The following ITPR2 variants were observed in gnomAD, a reference collection of about 807,000 sequenced individuals.
The protein encoded by ITPR2 is inositol 1,4,5-trisphosphate-gated calcium channel ITPR2.
Under a neutral mutation model 317.1 loss-of-function variants are expected in ITPR2, and 207 were observed. That is an observed-to-expected ratio of 0.65 (90% CI 0.58 to 0.73). ITPR2 has a LOEUF of 0.73. Ranked by LOEUF, ITPR2 falls within the 30% of genes least tolerant of loss-of-function variation. ITPR2 has a pLI of 0.00. For missense variants in ITPR2, 2,613 were observed against 3,284.0 expected, an observed-to-expected ratio of 0.80 and a Z score of 4.99; for synonymous variants, 1,156 against 1,149.1, an observed-to-expected ratio of 1.01 and a Z score of -0.12.
chr12:26,728,763 T>C (rs1456817492), intron 2 of ITPR2, among the ~76,000 whole-genome samples: 1 of 152,154 alleles, frequency 6.6e-6, no homozygotes, highest in African/African-American at 2.4e-5. Context: ...AAAAAGAAAA[T>C]CTGTGTGAAA....
intron 45 of ITPR2, among the ~76,000 whole-genome samples, chr12:26,444,031 A>G (rs549655011): frequency 6.6e-6 from 1 of 152,178 alleles, no homozygotes; most frequent in Non-Finnish European, 1.5e-5. Flanking sequence ...TCCTATACAC[A>G]CATAAATAGG....
intron 2 of ITPR2, among the ~76,000 whole-genome samples, chr12:26,787,410 A>G (rs1950274086): frequency 6.6e-6 from 1 of 152,230 alleles, no homozygotes; most frequent in Admixed American, 6.5e-5. Flanking sequence ...GGAGTGTCTG[A>G]AAAAGTGATT....
chr12:26,480,326 C>T (rs1202688338), intron 43 of ITPR2, among the ~76,000 whole-genome samples: 1 of 152,042 alleles, frequency 6.6e-6, no homozygotes, highest in African/African-American at 2.4e-5. Context: ...ACTAAAGAAA[C>T]CTCTTAAAGA....
chr12:26,695,310 A>G (rs1948319928), intron 10 of ITPR2, among the ~76,000 whole-genome samples: 1 of 152,196 alleles, frequency 6.6e-6, no homozygotes, highest in Admixed American at 6.5e-5. Flanking sequence ...TCTTCTTTAC[A>G]GAAGAAAAAA....
chr12:26,434,213 T>A (rs1179334149), intron 48 of ITPR2, among the ~76,000 whole-genome samples: 1 of 152,146 alleles, frequency 6.6e-6, no homozygotes, highest in Admixed American at 6.5e-5. Flanking sequence ...TGGACTCTAA[T>A]TACAAGGCAA....
At chr12:26,479,851 A>G (rs1230567555) in intron 43 of ITPR2, among the ~76,000 whole-genome samples, 1 of 152,188 alleles carries the variant, frequency 6.6e-6, no homozygotes, top group African/African-American at 2.4e-5. Context: ...ATGCTGGAGG[A>G]TCACATGGGC....
At chr12:26,561,707 A>G in intron 35 of ITPR2, 55 bp downstream of exon 35, 1 of 1,345,150 alleles carries the variant, frequency 7.4e-7, no homozygotes, top group Non-Finnish European at 9.8e-7. Context: ...GTGACTACAT[A>G]TTTTTAAAAA....
In ITPR2 at chr12:26,556,178, T is replaced by C. The variant is rs1201553054; in HGVS notation, c.4964+55A>G. The C allele has an allele frequency of 2.5e-6, 4 of 1,578,896 alleles. No individual in the cohort carries two copies. The African/African-American group carries it at 4.1e-5, about 16-fold the overall frequency. On this transcript the variant is annotated intron_variant, in intron 36 of 56. Coordinates refer to ENST00000381340, the MANE Select transcript of ITPR2 (RefSeq NM_002223.4). ...TCAGTGAAGTATAAAGCGGAAATGTTAGAGGCCATGTCAGTTTGACGACAC... is the reference window on the plus strand; with the variant it reads ...TCAGTGAAGTATAAAGCGGAAATGTCAGAGGCCATGTCAGTTTGACGACAC...
intron 15 of ITPR2, among the ~76,000 whole-genome samples, chr12:26,662,699 G>T (rs1404683118): frequency 1.3e-5 from 2 of 152,118 alleles, no homozygotes; most frequent in African/African-American, 2.4e-5. Context: ...ATGAGGCAGG[G>T]TCTCATTCTG....
intron 39 of ITPR2, among the ~76,000 whole-genome samples, chr12:26,490,253 C>T (rs921685843): frequency 2.0e-5 from 3 of 152,086 alleles, no homozygotes; most frequent in Non-Finnish European, 4.4e-5. Flanking sequence ...TGCAAAATGC[C>T]AAGTGGTATT....
At chr12:26,745,675 A>G (rs1208892209) in intron 2 of ITPR2, among the ~76,000 whole-genome samples, 1 of 152,216 alleles carries the variant, frequency 6.6e-6, no homozygotes, top group Non-Finnish European at 1.5e-5. Flanking sequence ...ACTTGGTTTC[A>G]GAGAGACAGA....
chr12:26,436,793 A>G (rs16930704), intron 47 of ITPR2, among the ~76,000 whole-genome samples: 10,578 of 152,254 alleles, frequency 0.069, 404 homozygotes, highest in South Asian at 0.096. Flanking sequence ...TAGCACAGAT[A>G]TATTTCTAAT....
At chr12:26,602,959 G>C (rs997190900) in intron 26 of ITPR2, among the ~76,000 whole-genome samples, 2 of 152,130 alleles carry the variant, frequency 1.3e-5, no homozygotes, top group Non-Finnish European at 2.9e-5. Context: ...GAGTTAAATT[G>C]TAAAGTTTTC....
Position 26,739,345 on chromosome 12 carries a change from T to A in ITPR2, c.164-13580A>T, listed in dbSNP as rs112874388. On this transcript the variant is annotated intron_variant, in intron 2 of 56. Coordinates refer to ENST00000381340, the MANE Select transcript of ITPR2 (RefSeq NM_002223.4). The stretch of plus-strand genomic sequence containing the variant: ...TTAGAACATATGTCCACACAAAGCA[T>A]TGTATGCAAATGTCCACCTACATTA... 1.9e-3 allele frequency among the ~76,000 whole-genome samples: 291 copies of A among 152,340 alleles called. 2 individuals are homozygous for A. The highest frequency in any genetic ancestry group is 6.4e-3 in the African/African-American group (267 of 41,568).
At chr12:26,763,193 C>A (rs955510417) in intron 2 of ITPR2, among the ~76,000 whole-genome samples, 2 of 152,028 alleles carry the variant, frequency 1.3e-5, no homozygotes, top group Non-Finnish European at 2.9e-5. Context: ...TTAATCAATT[C>A]ATAATGTATA....
rs1018575202 is a variant in ITPR2 at position 26,599,476 on chromosome 12, G to A, written c.3802-131C>T. ...AAGCCACAGTGAATTTTCTGTGCAT[G>A]TCTTTCAAAAAATGCGATGAGATCA... is the stretch of plus-strand genomic sequence containing the variant. On this transcript the variant is annotated intron_variant, in intron 29 of 56. Transcript: ENST00000381340. 9.8e-5 allele frequency: 77 copies of A among 781,984 alleles called. No individual in the cohort carries two copies. In the African/African-American group the frequency reaches 1.1e-3, roughly 11 times the overall value. The allele number at this position is 781,984 out of a possible 1,614,324, so 48.4% of individuals were successfully genotyped here. A position where few individuals can be genotyped will look rare whatever the true frequency, so the allele number is the denominator to read the frequency against.
At chr12:26,552,548 C>A (rs899612438) in intron 36 of ITPR2, among the ~76,000 whole-genome samples, 5 of 152,142 alleles carry the variant, frequency 3.3e-5, no homozygotes, top group Non-Finnish European at 7.4e-5. Flanking sequence ...ATGAAAGTAA[C>A]ACTGATGTCC....
At chr12:26,461,126 T>C (rs1035307119) in intron 45 of ITPR2, among the ~76,000 whole-genome samples, 1 of 152,222 alleles carries the variant, frequency 6.6e-6, no homozygotes, top group Non-Finnish European at 1.5e-5. Context: ...GAGTGTTCTT[T>C]TTTATGCAGT....
chr12:26,381,152 C>T (rs962615036), intron 55 of ITPR2, among the ~76,000 whole-genome samples: 1 of 152,182 alleles, frequency 6.6e-6, no homozygotes, highest in African/African-American at 2.4e-5. Flanking sequence ...GTGCCTACAG[C>T]CTCATCTTTC....
Sources: allele counts gnomAD v4.1 joint callset (sites outside exome capture counted in the v4.1 genomes callset), GRCh38; gene constraint gnomAD v4.1.1; transcripts MANE v1.5; gene names NCBI Gene and HGNC (gene_info 2026-07-23, HGNC 2026-07-21).